TAFA3: variants seen among roughly 807,000 people sequenced by gnomAD.
The protein encoded by TAFA3 is TAFA chemokine like family member 3.
In TAFA3, 17 loss-of-function variants were observed where a neutral mutation model predicts 20.7. The ratio of observed to expected loss-of-function variants is 0.82; its 90% CI spans 0.56 to 1.23. The LOEUF is 1.23. Ranked by LOEUF, TAFA3 falls within the 50% of genes most tolerant of loss-of-function variation. The probability of loss-of-function intolerance (pLI) is 0.00; values close to 1 mark genes in which losing one functional copy is unlikely to be tolerated. For missense variants in TAFA3, 174 were observed against 172.8 expected, an observed-to-expected ratio of 1.01 and a Z score of -0.04; for synonymous variants, 74 against 71.8, an observed-to-expected ratio of 1.03 and a Z score of -0.16.
rs1479556199 is a variant in TAFA3, at chr1:112,723,130, C to G, written c.230C>G (p.Ala77Gly). 1 of 1,613,098 alleles carries G rather than the reference C, an allele frequency of 6.2e-7. No individual in the cohort carries two copies. Among genetic ancestry groups the G allele is most frequent in the African/African-American group, 1.3e-5 (1 of 74,904 alleles). The change falls in exon 4 of 6, where the codon GCC becomes GGC. Residue 77 changes from alanine (A) to glycine (G), a missense_variant. Physicochemically the swap from Ala to Gly is moderately conservative, Grantham distance 60. Coordinates refer to ENST00000361886, the MANE Select transcript of TAFA3 (RefSeq NM_182759.3). ...TGCTCCTGTTTTTCTGGCCAGGTGG[C>G]CGGCACCACGCGGGCAAAGCCCTCC... is the stretch of plus-strand genomic sequence containing the variant. ...VKCSCFSGQV[A>G]GTTRAKPSCV...
In TAFA3 at chr1:112,723,959, G is replaced by A. The variant is rs750446138; in HGVS notation, c.266-54G>A. On this transcript the variant is annotated intron_variant, in intron 4 of 5. Coordinates refer to ENST00000361886, the MANE Select transcript of TAFA3 (RefSeq NM_182759.3). ...CTCATTCGCAGACCTGCTCTTGGCTGCCCACTGTGCTCGTAGAGACCCTAG... is the reference window on the plus strand; with the variant it reads ...CTCATTCGCAGACCTGCTCTTGGCTACCCACTGTGCTCGTAGAGACCCTAG... 6 of 1,613,684 alleles carry A rather than the reference G, an allele frequency of 3.7e-6. No homozygotes were observed. The South Asian group carries it at 6.6e-5, about 18-fold the overall frequency.
At position 112,719,033 on chromosome 1, in the gene TAFA3, G is replaced by C. The variant is rs1277086819; in HGVS notation, c.-326G>C. On this transcript the variant is annotated 5_prime_UTR_variant, in exon 1 of 6. Coordinates refer to ENST00000361886, the MANE Select transcript of TAFA3 (RefSeq NM_182759.3). ...CGGCAGGAACCTTGGAAAAAACCCG[G>C]CTGAGTTCTGCAGAGCTGGCGGGGC... Among the ~76,000 whole-genome samples the C allele has an allele frequency of 2.0e-5, 3 of 152,238 alleles. No individual in the cohort carries two copies. The highest frequency in any genetic ancestry group is 6.5e-5 in the Admixed American group (1 of 15,292).
chr1:112,722,693 C>T (rs1675358060), intron 3 of TAFA3, among the ~76,000 whole-genome samples: 1 of 152,170 alleles, frequency 6.6e-6, no homozygotes, highest in Non-Finnish European at 1.5e-5. Context: ...GCGGATGATC[C>T]TCCCCACGCA....
In TAFA3 at chr1:112,722,196, G is replaced by C. The variant is rs748876081; in HGVS notation, c.-1-37G>C. On this transcript the variant is annotated intron_variant, in intron 2 of 5. Coordinates refer to ENST00000361886, the MANE Select transcript of TAFA3 (RefSeq NM_182759.3). Reference sequence around the variant, plus strand: ...TGCCCAGGTGCACAGGGGAGCTTCTGCCTGGAGCTGAGCAGAATGTGTGCT... The same window carrying C: ...TGCCCAGGTGCACAGGGGAGCTTCTCCCTGGAGCTGAGCAGAATGTGTGCT... 5.6e-6 allele frequency: 9 copies of C among 1,608,722 alleles called. No homozygotes were observed. In the East Asian group the frequency reaches 2.0e-4, roughly 36 times the overall value.
intron 4 of TAFA3, 33 bp from the exon 5 acceptor site, chr1:112,723,980 C>A (rs1395240259): frequency 6.2e-7 from 1 of 1,613,816 alleles, no homozygotes; most frequent in South Asian, 1.1e-5. Context: ...TCGTAGAGAC[C>A]CTAGAGCTGC....
intron 5 of TAFA3, among the ~76,000 whole-genome samples, chr1:112,725,560 C>G (rs1675450464): frequency 6.7e-6 from 1 of 150,110 alleles, no homozygotes; most frequent in Non-Finnish European, 1.5e-5. Flanking sequence ...TTGTTGACTC[C>G]CTACAGTTCA....
At chr1:112,722,099 G>T in intron 2 of TAFA3, 134 bp from the exon 3 acceptor site, 1 of 871,716 alleles carries the variant, frequency 1.1e-6, no homozygotes, top group Non-Finnish European at 1.8e-6. Flanking sequence ...GTGCCAGGTC[G>T]AAAGATGCCT....
intron 3 of TAFA3, 105 bp downstream of exon 3, chr1:112,722,453 T>C (rs955036082): frequency 1.0e-5 from 10 of 952,694 alleles, no homozygotes; most frequent in African/African-American, 8.1e-5. Context: ...CCAGGCAGAG[T>C]AAAATCCAGA....
rs150106493 is a variant in TAFA3 at position 112,724,075 on chromosome 1, A to G, written c.328A>G (p.Lys110Glu). Residue 110 changes from lysine to glutamate, a missense_variant, in exon 5 of 6, where the codon AAG becomes GAG. Coordinates refer to ENST00000361886, the MANE Select transcript of TAFA3 (RefSeq NM_182759.3). The stretch of plus-strand genomic sequence containing the variant: ...GCCCTGCCTGCCGGGGGAGGAGTGT[A>G]AGGTGCTCCCGGACCTGTCGGGATG... ...MEPCLPGEEC[K>E]VLPDLSGWSC... is the part of the protein sequence containing the mutation. The G allele has an allele frequency of 8.1e-6, 13 of 1,613,560 alleles. No homozygotes were observed. Among genetic ancestry groups the G allele is most frequent in the Non-Finnish European group, 1.1e-5 (13 of 1,179,974 alleles).
Position 112,723,176 on chromosome 1 carries a change from G to A in TAFA3, c.265+11G>A. The A allele has an allele frequency of 5.0e-6, 8 of 1,611,522 alleles. No individual in the cohort carries two copies. Among genetic ancestry groups the A allele is most frequent in the Non-Finnish European group, 5.9e-6 (7 of 1,179,368 alleles). ...CCTCCTGCGTGGACGGTGAGTGAGAGGCCAGGACCCGGGCAGGGCCCTGAG... is the reference window on the plus strand; with the variant it reads ...CCTCCTGCGTGGACGGTGAGTGAGAAGCCAGGACCCGGGCAGGGCCCTGAG... On this transcript the variant is annotated intron_variant, in intron 4 of 5. Transcript: ENST00000361886.
At position 112,723,046 on chromosome 1, in the gene TAFA3, T is replaced by C. The variant is rs1378330493; in HGVS notation, c.146T>C (p.Ile49Thr). 6.2e-6 allele frequency: 10 copies of C among 1,612,858 alleles called. No individual in the cohort carries two copies. The highest frequency in any genetic ancestry group is 1.7e-4 in the Middle Eastern group (1 of 6,032). The change falls in exon 4 of 6, where the codon ATT becomes ACT. Residue 49 changes from isoleucine (I) to threonine (T), a missense_variant. Transcript: ENST00000361886. Reference sequence around the variant, plus strand: ...GTGCAGCAGGGCACCTGCGAGGTGATTGCGGCTCACCGCTGCTGCAACCGG... The same window carrying C: ...GTGCAGCAGGGCACCTGCGAGGTGACTGCGGCTCACCGCTGCTGCAACCGG... ...VLVQQGTCEVIAAHRCCNRNR... is the reference protein window; with the variant it reads ...VLVQQGTCEVTAAHRCCNRNR...
intron 5 of TAFA3, among the ~76,000 whole-genome samples, chr1:112,724,640 G>C (rs1360469897): frequency 1.8e-5 from 2 of 110,710 alleles, no homozygotes; most frequent in African/African-American, 7.0e-5. Context: ...GTGGTGGGGT[G>C]GGGGGAGGGG....
At position 112,723,105 on chromosome 1, in the gene TAFA3, T is replaced by C. The variant is rs769762954; in HGVS notation, c.205T>C (p.Cys69Arg). ...RIEERSQTVK[C>R]SCFSGQVAGT... ...CGAGGAGCGCTCCCAGACGGTGAAATGCTCCTGTTTTTCTGGCCAGGTGGC... is the reference window on the plus strand; with the variant it reads ...CGAGGAGCGCTCCCAGACGGTGAAACGCTCCTGTTTTTCTGGCCAGGTGGC... Residue 69 changes from cysteine to arginine, a missense_variant, in exon 4 of 6, where the codon TGC (cysteine) becomes CGC (arginine). By Grantham distance (180) the Cys-to-Arg change is radical. Coordinates refer to ENST00000361886, the MANE Select transcript of TAFA3 (RefSeq NM_182759.3). 5 of 1,613,290 alleles carry C rather than the reference T, an allele frequency of 3.1e-6. No homozygotes were observed. Among genetic ancestry groups the C allele is most frequent in the Middle Eastern group, 1.7e-4 (1 of 6,050 alleles).
intron 3 of TAFA3, among the ~76,000 whole-genome samples, 156 bp downstream of exon 3, chr1:112,722,504 G>C: frequency 6.6e-6 from 1 of 152,106 alleles, no homozygotes; most frequent in East Asian, 1.9e-4. Flanking sequence ...CTTTACCCAG[G>C]AATCTCTGCC....
intron 1 of TAFA3, chr1:112,720,356 C>G (rs1675299132): frequency 1.3e-5 from 2 of 152,398 alleles, no homozygotes; most frequent in African/African-American, 4.8e-5. Context: ...TTCTCAGGCT[C>G]ACCACCCTGT....
At chr1:112,723,840 C>T (rs368960593) in intron 4 of TAFA3, 173 bp from the exon 5 acceptor site, 2 of 1,313,910 alleles carry the variant, frequency 1.5e-6, no homozygotes, top group African/African-American at 2.9e-5. Context: ...GTCCCCAGGC[C>T]TCAGGCTGAG....
At chr1:112,722,392 C>G (rs1675351881) in intron 3 of TAFA3, 44 bp downstream of exon 3, 2 of 1,529,498 alleles carry the variant, frequency 1.3e-6, no homozygotes, top group East Asian at 2.2e-5. Flanking sequence ...TTTCCCAGGA[C>G]ACCTGGGGAG....
At position 112,724,077 on chromosome 1, in the gene TAFA3, G is replaced by A; in HGVS notation, c.330G>A (p.Lys110=). 1 of 1,613,692 alleles carries A rather than the reference G, an allele frequency of 6.2e-7. No homozygotes were observed. Among genetic ancestry groups the A allele is most frequent in the South Asian group, 1.1e-5 (1 of 91,036 alleles). ...CCTGCCTGCCGGGGGAGGAGTGTAA[G>A]GTGCTCCCGGACCTGTCGGGATGGA... ...MEPCLPGEEC[K]VLPDLSGWSC... The change falls in exon 5 of 6, where the codon AAG becomes AAA. Residue 110 remains lysine, a synonymous_variant. Transcript: ENST00000361886.
At chr1:112,723,341 A>G (rs1675377388) in intron 4 of TAFA3, among the ~76,000 whole-genome samples, 176 bp downstream of exon 4, 1 of 152,166 alleles carries the variant, frequency 6.6e-6, no homozygotes, top group Non-Finnish European at 1.5e-5. Context: ...TCCCTGTGTC[A>G]TAGATGAGAA....
Sources: gnomAD v4.1 joint callset for allele counts (sites outside exome capture counted in the v4.1 genomes callset) on GRCh38, gnomAD v4.1.1 for gene constraint, MANE v1.5 for transcripts, NCBI Gene and HGNC (gene_info 2026-07-23, HGNC 2026-07-21) for gene names.